Variants in GARNL3 observed in about 807,000 individuals in gnomAD.
GARNL3 encodes GTPase activating Rap/RanGAP domain like 3.
GARNL3 carries 63 observed loss-of-function variants against 125.0 expected under a neutral mutation model. The observed-to-expected ratio is 0.50, with a 90% CI of 0.41 to 0.62. The LOEUF (loss-of-function observed/expected upper bound fraction) is 0.62, where lower values mean the gene tolerates loss of function less well. Ranked by LOEUF, GARNL3 falls within the 20% of genes least tolerant of loss-of-function variation. GARNL3 has a pLI of 0.00. For synonymous variants in GARNL3, 439 were observed against 457.5 expected, an observed-to-expected ratio of 0.96 and a Z score of 0.52; for missense variants, 994 against 1,244.0, an observed-to-expected ratio of 0.80 and a Z score of 3.02.
At chr9:127,308,803 C>G (rs984921001) in intron 2 of GARNL3, among the ~76,000 whole-genome samples, 3 of 152,242 alleles carry the variant, frequency 2.0e-5, no homozygotes, top group Admixed American at 6.5e-5. Flanking sequence ...GAAATACACA[C>G]TGAAGTATTT....
chr9:127,336,053 G>A, intron 10 of GARNL3, 75 bp from the exon 11 acceptor site: 4 of 1,080,202 alleles, frequency 3.7e-6, no homozygotes, highest in South Asian at 1.4e-5. Flanking sequence ...GTTATATTGG[G>A]TTATGTTTTT....
intron 1 of GARNL3, among the ~76,000 whole-genome samples, chr9:127,284,619 A>T (rs914933254): frequency 6.6e-6 from 1 of 151,964 alleles, no homozygotes; most frequent in Non-Finnish European, 1.5e-5. Context: ...TAATAAAAGC[A>T]TTGAAAATGT....
chr9:127,388,828 A>T, intron 25 of GARNL3, 76 bp from the exon 26 acceptor site: 1 of 908,118 alleles, frequency 1.1e-6, no homozygotes, highest in Non-Finnish European at 1.8e-6. Flanking sequence ...TATGTTAAGG[A>T]ACAAGAAATT....
At chr9:127,324,028 T>C (rs974791202) in intron 6 of GARNL3, among the ~76,000 whole-genome samples, 9 of 152,094 alleles carry the variant, frequency 5.9e-5, no homozygotes, top group Admixed American at 2.0e-4. Flanking sequence ...AGCAGGAGGA[T>C]TGCTTGAGCC....
intron 1 of GARNL3, among the ~76,000 whole-genome samples, chr9:127,269,333 G>A (rs910894006): frequency 3.3e-5 from 5 of 152,304 alleles, no homozygotes; most frequent in South Asian, 2.1e-4. Context: ...GAACACTTGC[G>A]TTGTTTCTAC....
intron 2 of GARNL3, among the ~76,000 whole-genome samples, chr9:127,304,461 T>G (rs1253121960): frequency 6.6e-6 from 1 of 151,888 alleles, no homozygotes; most frequent in Non-Finnish European, 1.5e-5. Context: ...TCACCGGATG[T>G]ATACCCAACA....
At chr9:127,382,364 CATG>C (rs1264099997) in intron 22 of GARNL3, among the ~76,000 whole-genome samples, 3 of 151,916 alleles carry the variant, frequency 2.0e-5, no homozygotes, top group Non-Finnish European at 2.9e-5. Context: ...ATGGCTAAAA[CATG>C]ATGGTTTGGG....
In GARNL3 at chr9:127,353,933, G is replaced by A. The variant is rs774514398; in HGVS notation, c.1631G>A (p.Arg544Lys). 1 of 1,610,856 alleles carries A rather than the reference G, an allele frequency of 6.2e-7. No individual in the cohort carries two copies. Among genetic ancestry groups the A allele is most frequent in the Non-Finnish European group, 8.5e-7 (1 of 1,177,024 alleles). Residue 544 changes from arginine (R) to lysine (K), a missense_variant, in exon 18 of 28, where the codon AGA becomes AAA. This residue lies in a region of GARNL3 where 728 missense variants were observed against 865.7 expected (regional missense o/e 0.84). Coordinates refer to ENST00000373387, the MANE Select transcript of GARNL3 (RefSeq NM_032293.5). ...VLETLDLLVL[R>K]ADKGKDARLF... Reference sequence around the variant, plus strand: ...GAGACCCTGGACCTTCTGGTTCTCAGAGCAGACAAAGGTGGTATTCCCTGC... The same window carrying A: ...GAGACCCTGGACCTTCTGGTTCTCAAAGCAGACAAAGGTGGTATTCCCTGC...
intron 21 of GARNL3, among the ~76,000 whole-genome samples, chr9:127,358,322 A>C (rs1188000526): frequency 6.6e-6 from 1 of 152,212 alleles, no homozygotes; most frequent in Non-Finnish European, 1.5e-5. Flanking sequence ...TGAGCCATTG[A>C]GGTTTGCAGC....
At chr9:127,262,875 C>T (rs2063621335), upstream of GARNL3, among the ~76,000 whole-genome samples, 1 of 152,228 alleles carries the variant, frequency 6.6e-6, no homozygotes, top group Non-Finnish European at 1.5e-5. Context: ...GTGAGCCATT[C>T]TACTCCTAAC....
At chr9:127,237,061 C>T (rs1331299698) in intron 1 of GARNL3, among the ~76,000 whole-genome samples, 1 of 152,158 alleles carries the variant, frequency 6.6e-6, no homozygotes, top group Admixed American at 6.5e-5. Flanking sequence ...TTGTACTGAT[C>T]CAGGGAATTA....
intron 1 of GARNL3, among the ~76,000 whole-genome samples, chr9:127,232,126 G>T (rs1000415109): frequency 2.6e-5 from 4 of 152,128 alleles, no homozygotes; most frequent in Non-Finnish European, 4.4e-5. Flanking sequence ...TGAAGTCAAA[G>T]CTTGCCTCAT....
At chr9:127,326,761 G>A (rs1290685479) in intron 7 of GARNL3, among the ~76,000 whole-genome samples, 4 of 152,072 alleles carry the variant, frequency 2.6e-5, no homozygotes, top group East Asian at 1.9e-4. Context: ...TAGGTCATGA[G>A]GGGGGAGCCC....
intron 1 of GARNL3, among the ~76,000 whole-genome samples, chr9:127,279,551 T>G (rs2064050358): frequency 6.6e-6 from 1 of 152,204 alleles, no homozygotes; most frequent in South Asian, 2.1e-4. Flanking sequence ...AATCCTACAT[T>G]TGCATTTTTT....
chr9:127,230,691 C>A (rs1182560536), intron 1 of GARNL3, among the ~76,000 whole-genome samples: 1 of 150,042 alleles, frequency 6.7e-6, no homozygotes, highest in Non-Finnish European at 1.5e-5. Context: ...CATAAAAATT[C>A]TTCTCAACCT....
chr9:127,336,793 C>CA (rs1370094716), intron 11 of GARNL3, among the ~76,000 whole-genome samples: 2 of 152,220 alleles, frequency 1.3e-5, no homozygotes, highest in Admixed American at 1.3e-4. Context: ...TCAGCTCTGC[C>CA]AGACAGGCAT....
chr9:127,269,308 G>A (rs1473132289), intron 1 of GARNL3, among the ~76,000 whole-genome samples: 1 of 152,170 alleles, frequency 6.6e-6, no homozygotes, highest in Non-Finnish European at 1.5e-5. Flanking sequence ...CGTGTTTATT[G>A]ATTCATCTGT....
Position 127,332,288 on chromosome 9 carries a change from C to T in GARNL3, c.609C>T (p.Phe203=), listed in dbSNP as rs746006977. Residue 203 remains phenylalanine (F), a synonymous_variant, in exon 8 of 28, where the codon TTC becomes TTT. Coordinates refer to ENST00000373387, the MANE Select transcript of GARNL3 (RefSeq NM_032293.5). The part of the protein sequence containing the change: ...VLEEQEGSVN[F]KFGVLFAKDG... ...ATTATCCTAAGGGCTCTGTGAATTT[C>T]AAGTTTGGGGTTCTTTTTGCCAAAG... The T allele has an allele frequency of 6.2e-7, 1 of 1,613,420 alleles. No individual in the cohort carries two copies. The highest frequency in any genetic ancestry group is 1.1e-5 in the South Asian group (1 of 91,050).
chr9:127,249,861 T>G (rs2063369254), intron 2 of GARNL3, among the ~76,000 whole-genome samples: 2 of 151,856 alleles, frequency 1.3e-5, no homozygotes. Context: ...TACAAAAAAT[T>G]AGCCAGATGT....
Sources: gnomAD v4.1 joint callset for allele counts (sites outside exome capture counted in the v4.1 genomes callset) on GRCh38, gnomAD v4.1.1 for gene constraint, gnomAD v4.1.1 regional missense constraint, MANE v1.5 for transcripts, NCBI Gene and HGNC (gene_info 2026-07-23, HGNC 2026-07-21) for gene names.